Variants in UBE3D observed in about 807,000 individuals in gnomAD.
UBE3D encodes the protein ubiquitin protein ligase E3D, also known as E3 ubiquitin-protein ligase E3D.
Under a neutral mutation model 49.6 loss-of-function variants are expected in UBE3D, and 48 were observed. The ratio of observed to expected loss-of-function variants is 0.97; its 90% confidence interval spans 0.77 to 1.23. The LOEUF (loss-of-function observed/expected upper bound fraction) is 1.23. Among genes scored for constraint, UBE3D ranks in the 50% most tolerant of loss-of-function variants. UBE3D has a pLI of 0.00. For synonymous variants in UBE3D, 189 were observed against 174.2 expected (o/e 1.08, Z -0.67); for missense variants, 452 against 468.4 (o/e 0.96, Z 0.32).
intron 9 of UBE3D, among the ~76,000 whole-genome samples, chr6:82,895,642 C>T (rs1467173477): frequency 1.3e-5 from 2 of 152,046 alleles, no homozygotes; most frequent in East Asian, 3.9e-4. Context: ...ACAGCACAGT[C>T]CTATGGTTTA....
chr6:82,996,338 AT>A (rs1779240317), intron 8 of UBE3D, among the ~76,000 whole-genome samples: 1 of 151,638 alleles, frequency 6.6e-6, no homozygotes, highest in Non-Finnish European at 1.5e-5. Context: ...AAATAAATAA[AT>A]AAATAAATAA....
intron 8 of UBE3D, among the ~76,000 whole-genome samples, chr6:82,960,946 T>C (rs1776505852): frequency 6.6e-6 from 1 of 152,192 alleles, no homozygotes; most frequent in Non-Finnish European, 1.5e-5. Flanking sequence ...TTCTGAATTT[T>C]TTTAAAAAGT....
chr6:82,979,808 T>A (rs1222267677), intron 8 of UBE3D, among the ~76,000 whole-genome samples: 2 of 152,106 alleles, frequency 1.3e-5, no homozygotes, highest in African/African-American at 4.8e-5. Context: ...TGTACACACA[T>A]TATTTAGCTC....
chr6:82,927,978 T>C (rs1773882825), intron 9 of UBE3D, among the ~76,000 whole-genome samples: 1 of 151,994 alleles, frequency 6.6e-6, no homozygotes, highest in South Asian at 2.1e-4. Flanking sequence ...CATACATCAT[T>C]ATATATTTTT....
At chr6:82,940,372 G>A (rs1231410117) in intron 9 of UBE3D, among the ~76,000 whole-genome samples, 3 of 152,140 alleles carry the variant, frequency 2.0e-5, no homozygotes, top group African/African-American at 7.2e-5. Context: ...GGAGAGAGAT[G>A]GAAAATAGGA....
chr6:83,044,736 A>G, intron 3 of UBE3D, 77 bp from the exon 4 acceptor site: 1 of 1,239,620 alleles, frequency 8.1e-7, no homozygotes, highest in Non-Finnish European at 1.1e-6. Context: ...ACCATAAAAG[A>G]TGAAAGAAAC....
intron 5 of UBE3D, 95 bp downstream of exon 5, chr6:83,038,321 A>G: frequency 1.0e-6 from 1 of 993,320 alleles, no homozygotes; most frequent in Non-Finnish European, 1.5e-6. Context: ...AACATATATT[A>G]ATCATCTATC....
At chr6:82,893,102 T>C (rs1771057351) in intron 9 of UBE3D, 60 bp from the exon 10 acceptor site, 20 of 1,593,428 alleles carry the variant, frequency 1.3e-5, no homozygotes, top group Non-Finnish European at 1.7e-5. Flanking sequence ...AATGGCTGCA[T>C]GTACATCAAA....
intron 8 of UBE3D, among the ~76,000 whole-genome samples, chr6:82,986,891 T>C (rs1448746341): frequency 6.7e-6 from 1 of 150,328 alleles, no homozygotes; most frequent in African/African-American, 2.4e-5. Context: ...ATATTATACA[T>C]ATGTATAATA....
At chr6:83,002,638 T>C (rs929829778) in intron 8 of UBE3D, among the ~76,000 whole-genome samples, 1 of 152,214 alleles carries the variant, frequency 6.6e-6, no homozygotes, top group African/African-American at 2.4e-5. Flanking sequence ...TGAGCCGAGA[T>C]TGCGCCATTG....
chr6:82,930,815 C>A (rs1774087444), intron 9 of UBE3D, among the ~76,000 whole-genome samples: 1 of 152,060 alleles, frequency 6.6e-6, no homozygotes, highest in Admixed American at 6.6e-5. Flanking sequence ...CCTGACAGTG[C>A]AGTATAAAAG....
chr6:82,955,526 A>G (rs1562119017), intron 9 of UBE3D, among the ~76,000 whole-genome samples: 2 of 152,242 alleles, frequency 1.3e-5, no homozygotes, highest in Admixed American at 6.5e-5. Context: ...CCCTCCATGA[A>G]CATTTGTGGG....
chr6:83,004,268 A>G (rs892113800), intron 8 of UBE3D, among the ~76,000 whole-genome samples: 3 of 152,206 alleles, frequency 2.0e-5, no homozygotes, highest in African/African-American at 4.8e-5. Flanking sequence ...ATTTCTCTTG[A>G]GGAAAAATAT....
intron 9 of UBE3D, among the ~76,000 whole-genome samples, chr6:82,904,177 G>T (rs73475777): frequency 0.043 from 6,479 of 152,150 alleles, 423 homozygotes; most frequent in African/African-American, 0.15. Flanking sequence ...TAGGTTTTTG[G>T]AAACTGTGAC....
At chr6:82,890,217 C>G (rs1770955702), downstream of UBE3D, among the ~76,000 whole-genome samples, 1 of 152,140 alleles carries the variant, frequency 6.6e-6, no homozygotes, top group African/African-American at 2.4e-5. Flanking sequence ...GTCTTTAATG[C>G]TATCCCTGTG....
At chr6:82,945,707 C>T (rs758577847) in intron 9 of UBE3D, among the ~76,000 whole-genome samples, 52 of 152,162 alleles carry the variant, frequency 3.4e-4, no homozygotes, top group Non-Finnish European at 3.8e-4. Flanking sequence ...GAAAGGTATG[C>T]GACTTTTTAG....
chr6:82,939,189 G>A (rs888031771), intron 9 of UBE3D, among the ~76,000 whole-genome samples: 75 of 152,126 alleles, frequency 4.9e-4, no homozygotes, highest in African/African-American at 1.7e-3. Context: ...GAGAAGGTGA[G>A]TGCTCTCAAA....
At position 83,027,163 on chromosome 6, in the gene UBE3D, C is replaced by T. The variant is rs570556902; in HGVS notation, c.668-3125G>A. On this transcript the variant is annotated intron_variant, in intron 5 of 9. Transcript: ENST00000369747. ...TCATAAGAAACCACTATGGGCTGGG[C>T]GCAGTGGCTCACGCCTGTAATCCCA... Among the ~76,000 whole-genome samples the T allele has an allele frequency of 7.6e-4, 115 of 151,844 alleles. 2 individuals are homozygous for T. In the South Asian group the frequency reaches 0.014, roughly 18 times the overall value.
intron 9 of UBE3D, among the ~76,000 whole-genome samples, chr6:82,927,308 T>G (rs1266445536): frequency 6.6e-6 from 1 of 152,040 alleles, no homozygotes; most frequent in African/African-American, 2.4e-5. Flanking sequence ...CCTCTAACTT[T>G]GTTCCTCCTT....
Sources: allele counts gnomAD v4.1 joint callset (sites outside exome capture counted in the v4.1 genomes callset), GRCh38; gene constraint gnomAD v4.1.1; transcripts MANE v1.5; gene names NCBI Gene and HGNC (gene_info 2026-07-23, HGNC 2026-07-21).